The following ABLIM1 variants were observed in gnomAD, a reference collection of about 807,000 sequenced individuals.
ABLIM1 encodes actin-binding LIM protein 1.
Under a neutral mutation model 107.0 loss-of-function variants are expected in ABLIM1, and 40 were observed. That is an observed-to-expected ratio of 0.37 (90% CI 0.29 to 0.49). ABLIM1 has a LOEUF of 0.49. ABLIM1 is among the 20% of genes least tolerant of loss of function. The pLI is 0.97. For synonymous variants in ABLIM1, 357 were observed against 357.3 expected (o/e 1.00, Z 0.01); for missense variants, 857 against 1,008.5 (o/e 0.85, Z 2.04).
intron 2 of ABLIM1, among the ~76,000 whole-genome samples, chr10:114,591,623 A>C (rs1179663854): frequency 6.6e-6 from 1 of 151,580 alleles, no homozygotes; most frequent in Non-Finnish European, 1.5e-5. Flanking sequence ...TGGGAACCGC[A>C]AAAAAAAATT....
At chr10:114,583,438 C>T (rs1591386571) in intron 2 of ABLIM1, among the ~76,000 whole-genome samples, 2 of 31,780 alleles carry the variant, frequency 6.3e-5, no homozygotes, top group Non-Finnish European at 1.3e-4. Context: ...CACACACACA[C>T]ACACACACAC....
chr10:114,648,110 A>G (rs1386494071), intron 1 of ABLIM1, among the ~76,000 whole-genome samples: 2 of 152,188 alleles, frequency 1.3e-5, no homozygotes, highest in Non-Finnish European at 1.5e-5. Context: ...CCACTGTAGA[A>G]AACGGTTTGA....
intron 1 of ABLIM1, among the ~76,000 whole-genome samples, chr10:114,664,271 A>G (rs79107372): frequency 0.01 from 1,592 of 152,266 alleles, 38 homozygotes; most frequent in African/African-American, 0.036. Flanking sequence ...GAGCTAACTA[A>G]AACATTCATT....
rs777817696 is a variant in ABLIM1 at position 114,465,793 on chromosome 10, C to A, written c.1346G>T (p.Arg449Leu). Residue 449 changes from arginine to leucine, a missense_variant, in exon 12 of 23, where the codon CGG becomes CTG. Arg to Leu is a moderately radical substitution (Grantham distance 102, BLOSUM62 -2). This residue lies in a region of ABLIM1 where 381 missense variants were observed against 506.9 expected (regional missense o/e 0.75). Coordinates refer to ENST00000533213, the MANE Select transcript of ABLIM1 (RefSeq NM_002313.7). The part of the protein sequence containing the change: ...YQDVRDRMIH[R>L]STSQGSINSP... Reference sequence around the variant, plus strand: ...GTTGATGGAGCCCTGGCTCGTGGACCGATGGATCATCCGATCCCGAACATC... The same window carrying A: ...GTTGATGGAGCCCTGGCTCGTGGACAGATGGATCATCCGATCCCGAACATC... 1.9e-6 allele frequency: 3 copies of A among 1,614,070 alleles called. No homozygotes were observed.
intron 6 of ABLIM1, among the ~76,000 whole-genome samples, chr10:114,493,917 G>T (rs535117779): frequency 3.0e-4 from 46 of 152,282 alleles, no homozygotes; most frequent in Non-Finnish European, 5.3e-4. Flanking sequence ...GTAAGTTTAC[G>T]TGACAGAATA....
At chr10:114,689,275 G>A (rs2081016695), upstream of ABLIM1, among the ~76,000 whole-genome samples, 1 of 151,704 alleles carries the variant, frequency 6.6e-6, no homozygotes, top group Admixed American at 6.6e-5. Flanking sequence ...TTCCAAATCT[G>A]TAAAATGGGC....
chr10:114,491,389 A>AG (rs2058980631), intron 7 of ABLIM1, among the ~76,000 whole-genome samples: 1 of 152,162 alleles, frequency 6.6e-6, no homozygotes, highest in Non-Finnish European at 1.5e-5. Flanking sequence ...GAGTAAAAGG[A>AG]GAAAAAAAGT....
chr10:114,611,328 A>G (rs1050797407), intron 1 of ABLIM1, among the ~76,000 whole-genome samples: 9 of 152,068 alleles, frequency 5.9e-5, no homozygotes, highest in African/African-American at 2.2e-4. Context: ...TTAGCCAGGC[A>G]TGATGGCAGG....
intron 1 of ABLIM1, among the ~76,000 whole-genome samples, chr10:114,617,848 C>T (rs1304491729): frequency 1.3e-5 from 2 of 152,082 alleles, no homozygotes; most frequent in Non-Finnish European, 2.9e-5. Flanking sequence ...TGGGCGGTGG[C>T]TCACATGTGT....
At chr10:114,471,540 T>A (rs912344543) in intron 10 of ABLIM1, among the ~76,000 whole-genome samples, 1 of 152,098 alleles carries the variant, frequency 6.6e-6, no homozygotes, top group Non-Finnish European at 1.5e-5. Context: ...CAGCTACAGC[T>A]AAGTGACCAC....
intron 1 of ABLIM1, among the ~76,000 whole-genome samples, chr10:114,673,818 G>C (rs1449786463): frequency 7.2e-5 from 11 of 152,140 alleles, no homozygotes; most frequent in Admixed American, 7.2e-4. Context: ...TTCAGTAGTT[G>C]TTCAATTACT....
At chr10:114,593,341 C>T (rs1240445081) in intron 2 of ABLIM1, among the ~76,000 whole-genome samples, 1 of 152,130 alleles carries the variant, frequency 6.6e-6, no homozygotes, top group African/African-American at 2.4e-5. Context: ...TTCACCTGCT[C>T]CAATATAATG....
chr10:114,453,714 G>A (rs538843003), intron 12 of ABLIM1, among the ~76,000 whole-genome samples: 2 of 152,268 alleles, frequency 1.3e-5, no homozygotes, highest in South Asian at 2.1e-4. Flanking sequence ...AGCAGCTAGC[G>A]GTCAGGTGCG....
At chr10:114,701,447 CA>C (rs1190178981) in intron 1 of ABLIM1, among the ~76,000 whole-genome samples, 1 of 151,986 alleles carries the variant, frequency 6.6e-6, no homozygotes, top group African/African-American at 2.4e-5. Flanking sequence ...CATAAATCCA[CA>C]AAAAAGACTT....
chr10:114,537,136 T>A (rs1003539097), intron 6 of ABLIM1, among the ~76,000 whole-genome samples: 1 of 152,186 alleles, frequency 6.6e-6, no homozygotes, highest in Non-Finnish European at 1.5e-5. Context: ...AATTATTTGT[T>A]TTCTGTAATG....
chr10:114,465,091 C>G (rs2064868720), intron 12 of ABLIM1, among the ~76,000 whole-genome samples: 1 of 152,138 alleles, frequency 6.6e-6, no homozygotes. Context: ...TTTTCCAAGT[C>G]TGATTGAAAA....
chr10:114,513,894 A>G (rs1415728353), intron 6 of ABLIM1, among the ~76,000 whole-genome samples: 1 of 152,160 alleles, frequency 6.6e-6, no homozygotes, highest in African/African-American at 2.4e-5. Context: ...TCATACTGCA[A>G]ATTTCCAAGA....
the ABLIM1 span, among the ~76,000 whole-genome samples, chr10:114,792,800 C>G: frequency 1.3e-5 from 2 of 152,326 alleles, no homozygotes; most frequent in East Asian, 3.9e-4. Context: ...TTATCAATGT[C>G]TCTATGTGGA....
At chr10:114,658,325 A>C (rs370784062), upstream of ABLIM1, 1 of 1,486,932 alleles carries the variant, frequency 6.7e-7, no homozygotes, top group Admixed American at 2.3e-5. Context: ...AGCAAAGAAG[A>C]TTAAGGGAGA....
Sources: gnomAD v4.1 joint callset for allele counts (sites outside exome capture counted in the v4.1 genomes callset) on GRCh38, gnomAD v4.1.1 for gene constraint, gnomAD v4.1.1 regional missense constraint, MANE v1.5 for transcripts, NCBI Gene and HGNC (gene_info 2026-07-23, HGNC 2026-07-21) for gene names.